The following RANBP17 variants were observed in gnomAD, a reference collection of about 807,000 sequenced individuals.
RANBP17 encodes the protein RAN binding protein 17, also known as ran-binding protein 17.
Under a neutral mutation model 141.2 loss-of-function variants are expected in RANBP17, and 158 were observed. That is an observed-to-expected ratio of 1.12 (90% confidence interval 0.98 to 1.28). The LOEUF is 1.28. Ranked by LOEUF, RANBP17 falls within the 50% of genes most tolerant of loss-of-function variation. The probability of loss-of-function intolerance (pLI) is 0.00; values close to 1 mark genes in which losing one functional copy is unlikely to be tolerated. For missense variants in RANBP17, 1,438 were observed against 1,290.7 expected (o/e 1.11, Z -1.75); for synonymous variants, 430 against 450.0 (o/e 0.96, Z 0.56).
At chr5:171,243,119 A>G (rs1764993281) in intron 24 of RANBP17, 6 of 268,270 alleles carry the variant, frequency 2.2e-5, no homozygotes. Flanking sequence ...AAACATAACC[A>G]CCACGACCAA....
intron 14 of RANBP17, among the ~76,000 whole-genome samples, chr5:171,024,624 T>C (rs1186497818): frequency 6.6e-6 from 1 of 152,196 alleles, no homozygotes; most frequent in Non-Finnish European, 1.5e-5. Flanking sequence ...CACTTACTCC[T>C]TCTAGAAATC....
rs189393840 is a variant in RANBP17, at chr5:171,278,536, T to C, written c.2943+12689T>C. On this transcript the variant is annotated intron_variant, in intron 25 of 27. Transcript: ENST00000523189. ...TATAAAGATGCTGGTCAGCCACTAG[T>C]CCTCACCTAAATTGAAGACGTGAAA... Among the ~76,000 whole-genome samples the C allele has an allele frequency of 1.1e-4, 16 of 152,060 alleles. No homozygotes were observed. The East Asian group carries it at 3.1e-3, about 29-fold the overall frequency.
At chr5:171,152,653 G>A (rs774518118) in intron 14 of RANBP17, among the ~76,000 whole-genome samples, 2 of 152,042 alleles carry the variant, frequency 1.3e-5, no homozygotes, top group Non-Finnish European at 2.9e-5. Flanking sequence ...CTGTCATGCT[G>A]ACTCCCATTT....
At chr5:170,991,909 C>G (rs1333792230) in intron 14 of RANBP17, among the ~76,000 whole-genome samples, 2 of 151,872 alleles carry the variant, frequency 1.3e-5, no homozygotes, top group African/African-American at 4.8e-5. Context: ...TAATGTAATT[C>G]TAAATTTGTG....
intron 1 of RANBP17, among the ~76,000 whole-genome samples, chr5:170,866,549 C>T (rs965817211): frequency 6.6e-6 from 1 of 152,060 alleles, no homozygotes; most frequent in Non-Finnish European, 1.5e-5. Flanking sequence ...GTGGCGGGTG[C>T]CTGTATTCCC....
chr5:171,019,873 T>C (rs1159281480), intron 14 of RANBP17, among the ~76,000 whole-genome samples: 1 of 152,184 alleles, frequency 6.6e-6, no homozygotes. Context: ...GTTAGGATAC[T>C]GATTTGAGAT....
intron 14 of RANBP17, among the ~76,000 whole-genome samples, chr5:171,017,294 G>T (rs554461382): frequency 8.5e-5 from 13 of 152,120 alleles, no homozygotes; most frequent in Non-Finnish European, 1.9e-4. Flanking sequence ...GGGTTAAATG[G>T]TATTTCTGGT....
chr5:170,902,967 T>C (rs532925762), intron 5 of RANBP17, among the ~76,000 whole-genome samples: 178 of 152,330 alleles, frequency 1.2e-3, no homozygotes, highest in Non-Finnish European at 1.8e-3. Flanking sequence ...TGACGCCTGC[T>C]GGGAGATGTC....
intron 12 of RANBP17, among the ~76,000 whole-genome samples, chr5:170,932,722 C>T (rs1480876741): frequency 6.6e-6 from 1 of 152,040 alleles, no homozygotes; most frequent in Non-Finnish European, 1.5e-5. Flanking sequence ...TATTGATTTG[C>T]ATATGTTGAA....
rs558126331 is a variant in RANBP17, at chr5:171,173,741, GCCCCACT to G, written c.1865+2461_1865+2467del. 5.4e-3 allele frequency among the ~76,000 whole-genome samples: 826 copies of G among 152,230 alleles called. 8 individuals are homozygous for G. Among genetic ancestry groups the G allele is most frequent in the Admixed American group, 0.011 (163 of 15,272 alleles). ...TGCTTTTTAAAACACAAATTGTTAG[GCCCCACT>G]CCCCAGAGTTTCTCTTTCAGGAGGT... On this transcript the variant is annotated intron_variant, in intron 16 of 27. Coordinates refer to ENST00000523189, the MANE Select transcript of RANBP17 (RefSeq NM_022897.5).
chr5:171,023,210 T>C (rs1780999699), intron 14 of RANBP17, among the ~76,000 whole-genome samples: 1 of 152,220 alleles, frequency 6.6e-6, no homozygotes, highest in Non-Finnish European at 1.5e-5. Context: ...CTGTTCTGTT[T>C]CTAGTCGGCC....
At chr5:170,863,521 T>C (rs1302763551) in intron 1 of RANBP17, 7 of 152,224 alleles carry the variant, frequency 4.6e-5, no homozygotes, top group Non-Finnish European at 8.8e-5. Flanking sequence ...TTTGACTTCA[T>C]GCCATTTCTA....
intron 14 of RANBP17, among the ~76,000 whole-genome samples, chr5:171,108,653 C>G (rs1465180082): frequency 1.3e-5 from 2 of 152,100 alleles, no homozygotes; most frequent in Admixed American, 1.3e-4. Context: ...CTCAAGTGAT[C>G]CACCCACCTC....
chr5:171,043,028 A>G (rs980647740), intron 14 of RANBP17, among the ~76,000 whole-genome samples: 1 of 152,170 alleles, frequency 6.6e-6, no homozygotes, highest in African/African-American at 2.4e-5. Context: ...GATGGTGTGT[A>G]TTGATTGATG....
At chr5:171,243,802 C>T (rs112075698) in intron 24 of RANBP17, among the ~76,000 whole-genome samples, 18,403 of 152,092 alleles carry the variant, frequency 0.12, 1,432 homozygotes, top group East Asian at 0.16. Flanking sequence ...GGGCTGGGCG[C>T]GGTGGCTCAG....
At chr5:171,030,354 A>G (rs979360700) in intron 14 of RANBP17, among the ~76,000 whole-genome samples, 9 of 152,078 alleles carry the variant, frequency 5.9e-5, no homozygotes, top group African/African-American at 2.2e-4. Context: ...ACTTGAGTCT[A>G]TATTAGGACA....
intron 24 of RANBP17, 140 bp downstream of exon 24, chr5:171,242,960 C>G: frequency 1.3e-6 from 1 of 764,284 alleles, no homozygotes; most frequent in South Asian, 1.7e-5. Flanking sequence ...TTATTACTTG[C>G]AAGTGGGAAA....
intron 21 of RANBP17, among the ~76,000 whole-genome samples, chr5:171,219,341 A>G (rs373793478): frequency 3.3e-5 from 5 of 151,828 alleles, no homozygotes; most frequent in Non-Finnish European, 5.9e-5. Flanking sequence ...CTTCGTTTCA[A>G]CCTTGGAGAA....
At chr5:170,968,493 A>G (rs1197199642) in intron 14 of RANBP17, 116 bp downstream of exon 14, 1 of 932,634 alleles carries the variant, frequency 1.1e-6, no homozygotes, top group East Asian at 2.5e-5. Flanking sequence ...TGATTAATGA[A>G]TTGATGAATT....
Sources: allele counts gnomAD v4.1 joint callset (sites outside exome capture counted in the v4.1 genomes callset), GRCh38; gene constraint gnomAD v4.1.1; transcripts MANE v1.5; gene names NCBI Gene and HGNC (gene_info 2026-07-23, HGNC 2026-07-21).